Variants in PDE1A observed in about 807,000 individuals in gnomAD.
PDE1A encodes dual specificity calcium/calmodulin-dependent 3',5'-cyclic nucleotide phosphodiesterase 1A.
A neutral mutation model predicts 61.7 loss-of-function variants in PDE1A; 35 were observed. The observed-to-expected ratio is 0.57, with a 90% CI of 0.43 to 0.75. PDE1A has a LOEUF of 0.75. Among genes scored for constraint, PDE1A ranks in the 30% least tolerant of loss-of-function variants. The pLI is 0.00. For synonymous variants in PDE1A, 232 were observed against 213.2 expected (o/e 1.09, Z -0.77); for missense variants, 597 against 630.6 (o/e 0.95, Z 0.57).
chr2:182,287,351 A>C (rs2125872704), intron 1 of PDE1A, among the ~76,000 whole-genome samples: 1 of 152,072 alleles, frequency 6.6e-6, no homozygotes, highest in Admixed American at 6.6e-5. Flanking sequence ...TCTACATAAA[A>C]CTTATGAGAA....
At chr2:182,427,436 A>G (rs189387645), upstream of PDE1A, among the ~76,000 whole-genome samples, 447 of 152,252 alleles carry the variant, frequency 2.9e-3, 5 homozygotes, top group African/African-American at 0.01. Flanking sequence ...TTATACCCAG[A>G]TGTCTGTACC....
chr2:182,342,961 A>G (rs557199728), intron 1 of PDE1A, among the ~76,000 whole-genome samples: 1 of 152,350 alleles, frequency 6.6e-6, no homozygotes, highest in Admixed American at 6.5e-5. Flanking sequence ...TACAATATGT[A>G]TATGCACATA....
chr2:182,167,581 T>C (rs1691720112), downstream of PDE1A, among the ~76,000 whole-genome samples: 1 of 152,118 alleles, frequency 6.6e-6, no homozygotes, highest in Non-Finnish European at 1.5e-5. Context: ...ATAGACTCTG[T>C]GAGGCATAAA....
intron 1 of PDE1A, among the ~76,000 whole-genome samples, chr2:182,417,195 C>T (rs1375983720): frequency 6.6e-6 from 1 of 152,208 alleles, no homozygotes; most frequent in East Asian, 1.9e-4. Flanking sequence ...TTTTAGATTC[C>T]CACGCCTTAG....
chr2:182,160,880 T>G (rs183555960), intron 13 of PDE1A, among the ~76,000 whole-genome samples: 26 of 152,298 alleles, frequency 1.7e-4, no homozygotes, highest in African/African-American at 5.8e-4. Context: ...AAAAGGAATT[T>G]CCTTAATTGG....
intron 1 of PDE1A, among the ~76,000 whole-genome samples, chr2:182,299,938 G>C (rs771712712): frequency 1.3e-5 from 2 of 152,182 alleles, no homozygotes; most frequent in Non-Finnish European, 2.9e-5. Flanking sequence ...GCAGCAGCTA[G>C]CAATAAGGAC....
chr2:182,370,292 G>A (rs1359900002), intron 1 of PDE1A, among the ~76,000 whole-genome samples: 1 of 152,216 alleles, frequency 6.6e-6, no homozygotes, highest in Non-Finnish European at 1.5e-5. Context: ...CTTTGACATG[G>A]AGATGAACGA....
intron 1 of PDE1A, among the ~76,000 whole-genome samples, chr2:182,400,839 A>G (rs375728745): frequency 6.6e-6 from 1 of 152,190 alleles, no homozygotes; most frequent in Admixed American, 6.5e-5. Context: ...CTCGTCACAG[A>G]GATTTCTTTC....
the PDE1A span, among the ~76,000 whole-genome samples, chr2:182,701,283 C>T: frequency 3.9e-5 from 6 of 152,254 alleles, no homozygotes; most frequent in South Asian, 6.2e-4. Context: ...GATCCGCCCG[C>T]CTTGGCCTCC....
chr2:182,654,460 G>C, the PDE1A span, among the ~76,000 whole-genome samples: 1 of 152,070 alleles, frequency 6.6e-6, no homozygotes, highest in Admixed American at 6.6e-5. Context: ...GATATATTTA[G>C]GTCAGGACTC....
At chr2:182,613,518 G>T in the PDE1A span, among the ~76,000 whole-genome samples, 1 of 150,380 alleles carries the variant, frequency 6.6e-6, no homozygotes. Context: ...GGCCAAGATT[G>T]CTCCACTGTA....
At chr2:182,606,371 G>C in the PDE1A span, among the ~76,000 whole-genome samples, 1 of 152,112 alleles carries the variant, frequency 6.6e-6, no homozygotes, top group African/African-American at 2.4e-5. Context: ...GTAGAGACGG[G>C]GTTTCACCAT....
At chr2:182,447,118 TAC>T (rs143408471) in intron 2 of PDE1A, among the ~76,000 whole-genome samples, 1,577 of 149,302 alleles carry the variant, frequency 0.011, 22 homozygotes, top group African/African-American at 0.035. Flanking sequence ...TTTTTTCACT[TAC>T]ACACACACAC....
At chr2:182,413,785 T>G (rs996953046) in intron 1 of PDE1A, among the ~76,000 whole-genome samples, 2 of 152,182 alleles carry the variant, frequency 1.3e-5, no homozygotes, top group African/African-American at 4.8e-5. Flanking sequence ...GAAATCCTCT[T>G]GTAATCCTGT....
chr2:182,514,674 T>C (rs529717398), intron 2 of PDE1A, among the ~76,000 whole-genome samples: 3 of 152,158 alleles, frequency 2.0e-5, no homozygotes, highest in Non-Finnish European at 2.9e-5. Context: ...CAACTCGAGA[T>C]TGATTAAAGA....
At chr2:182,427,964 CA>C (rs1310600962), upstream of PDE1A, among the ~76,000 whole-genome samples, 2 of 152,080 alleles carry the variant, frequency 1.3e-5, no homozygotes, top group Non-Finnish European at 2.9e-5. Flanking sequence ...TCAAATGTCA[CA>C]AAGGAGGATA....
At chr2:182,271,001 T>A (rs1692977508) in intron 1 of PDE1A, among the ~76,000 whole-genome samples, 1 of 151,892 alleles carries the variant, frequency 6.6e-6, no homozygotes, top group South Asian at 2.1e-4. Context: ...CAAATATAAC[T>A]GTAAAGCTCC....
At chr2:182,626,454 G>C in the PDE1A span, among the ~76,000 whole-genome samples, 2 of 151,318 alleles carry the variant, frequency 1.3e-5, no homozygotes, top group African/African-American at 2.4e-5. Flanking sequence ...TGCTTTAAAG[G>C]CCATTGCTTT....
the PDE1A span, among the ~76,000 whole-genome samples, chr2:182,577,986 A>G: frequency 1.3e-4 from 18 of 134,704 alleles, no homozygotes; most frequent in African/African-American, 5.1e-4. Context: ...GGAAGGAAGG[A>G]AGGAAGGGAC....
Sources: gnomAD v4.1 joint callset for allele counts (sites outside exome capture counted in the v4.1 genomes callset) on GRCh38, gnomAD v4.1.1 for gene constraint, MANE v1.5 for transcripts, NCBI Gene and HGNC (gene_info 2026-07-23, HGNC 2026-07-21) for gene names.